DLGAP2: variants seen among roughly 807,000 people sequenced by gnomAD.
The protein encoded by DLGAP2 is disks large-associated protein 2.
In DLGAP2, 26 loss-of-function variants were observed where a neutral mutation model predicts 100.3. The ratio of observed to expected loss-of-function variants is 0.26; its 90% CI spans 0.19 to 0.36. The LOEUF (loss-of-function observed/expected upper bound fraction) is 0.36, where lower values mean the gene tolerates loss of function less well. Among genes scored for constraint, DLGAP2 ranks in the 10% least tolerant of loss-of-function variants. DLGAP2 has a pLI of 1.00. For synonymous variants in DLGAP2, 886 were observed against 630.1 expected (o/e 1.41, Z -6.08); for missense variants, 1,858 against 1,453.2 (o/e 1.28, Z -4.53).
At chr8:915,754 C>T (rs1043524427) in intron 2 of DLGAP2, among the ~76,000 whole-genome samples, 6 of 152,118 alleles carry the variant, frequency 3.9e-5, no homozygotes, top group Non-Finnish European at 7.4e-5. Context: ...TCAGTTCACC[C>T]GTCTGTCCAT....
chr8:1,547,805 G>A (rs1196060042), intron 4 of DLGAP2, among the ~76,000 whole-genome samples: 1 of 152,158 alleles, frequency 6.6e-6, no homozygotes, highest in Non-Finnish European at 1.5e-5. Context: ...GGGGAAGGAG[G>A]CACAGCTGCC....
chr8:1,483,708 A>AGGAGGTGG (rs1383023687), intron 3 of DLGAP2, among the ~76,000 whole-genome samples: 137 of 151,516 alleles, frequency 9.0e-4, no homozygotes, highest in African/African-American at 2.3e-3. Flanking sequence ...AGGCAGGTGC[A>AGGAGGTGG]GGACGTGGGG....
At chr8:1,468,999 C>T (rs1227178181) in intron 3 of DLGAP2, among the ~76,000 whole-genome samples, 1 of 152,244 alleles carries the variant, frequency 6.6e-6, no homozygotes, top group East Asian at 1.9e-4. Context: ...GGGGCCACTG[C>T]AAAGACCAAG....
intron 3 of DLGAP2, among the ~76,000 whole-genome samples, chr8:1,364,795 G>A (rs553453721): frequency 6.6e-6 from 1 of 152,224 alleles, no homozygotes; most frequent in Non-Finnish European, 1.5e-5. Flanking sequence ...GAGAGAGAGG[G>A]GACGCTGTGC....
chr8:1,493,881 G>T (rs556484674), intron 3 of DLGAP2, among the ~76,000 whole-genome samples: 1 of 152,336 alleles, frequency 6.6e-6, no homozygotes, highest in South Asian at 2.1e-4. Flanking sequence ...CTGTTTTATG[G>T]TTTGGGGTTT....
chr8:1,251,103 C>T (rs769775388), intron 2 of DLGAP2, among the ~76,000 whole-genome samples: 1 of 152,194 alleles, frequency 6.6e-6, no homozygotes, highest in Non-Finnish European at 1.5e-5. Context: ...GAGAACGTTA[C>T]TTTGTATTCT....
At chr8:1,600,409 T>C (rs898264045) in intron 6 of DLGAP2, among the ~76,000 whole-genome samples, 1 of 152,134 alleles carries the variant, frequency 6.6e-6, no homozygotes, top group Non-Finnish European at 1.5e-5. Context: ...CTGAATTTGA[T>C]TGTTGGCCTT....
chr8:821,882 C>A (rs762622908), intron 1 of DLGAP2, among the ~76,000 whole-genome samples: 1 of 152,256 alleles, frequency 6.6e-6, no homozygotes, highest in African/African-American at 2.4e-5. Context: ...ACGCACACAG[C>A]GTGCCATTCC....
chr8:1,185,814 T>G (rs10109506), intron 2 of DLGAP2, among the ~76,000 whole-genome samples: 1 of 151,818 alleles, frequency 6.6e-6, no homozygotes, highest in Non-Finnish European at 1.5e-5. Context: ...AACAATGTAA[T>G]CTAGCTTTAA....
intron 2 of DLGAP2, among the ~76,000 whole-genome samples, chr8:1,255,078 T>A (rs1157125266): frequency 3.6e-5 from 5 of 140,462 alleles, no homozygotes; most frequent in South Asian, 5.0e-4. Flanking sequence ...CCGGCCGCTG[T>A]GTGTGTGTCC....
At chr8:1,536,289 C>T (rs1801151734) in intron 4 of DLGAP2, among the ~76,000 whole-genome samples, 1 of 152,174 alleles carries the variant, frequency 6.6e-6, no homozygotes, top group South Asian at 2.1e-4. Context: ...TGGGTAGTGA[C>T]TGACGACTTC....
chr8:1,371,346 A>G (rs932047348), intron 3 of DLGAP2, among the ~76,000 whole-genome samples: 1 of 152,138 alleles, frequency 6.6e-6, no homozygotes, highest in African/African-American at 2.4e-5. Context: ...ATCCTCGTGG[A>G]TGGCATTTGC....
chr8:1,641,885 T>TCACCTGTGTCACCCTCGAACCCGCCAGC, intron 8 of DLGAP2, among the ~76,000 whole-genome samples: 1 of 116,226 alleles, frequency 8.6e-6, no homozygotes, highest in South Asian at 3.0e-4. Context: ...AACCCGCCGG[T>TCACCTGTGTCACCCTCGAACCCGCCAGC]CCTCACCTGT....
intron 2 of DLGAP2, among the ~76,000 whole-genome samples, chr8:1,119,517 T>G (rs1295614860): frequency 6.6e-6 from 1 of 152,210 alleles, no homozygotes; most frequent in Non-Finnish European, 1.5e-5. Flanking sequence ...GCCCTGCTGC[T>G]CTTCTTCAGC....
chr8:1,513,057 G>C (rs1800228957), intron 4 of DLGAP2, among the ~76,000 whole-genome samples: 1 of 151,956 alleles, frequency 6.6e-6, no homozygotes, highest in African/African-American at 2.4e-5. Flanking sequence ...GCTCCAGGGA[G>C]GCTCAGTGGG....
At chr8:1,036,290 G>A (rs997390933) in intron 2 of DLGAP2, among the ~76,000 whole-genome samples, 1 of 152,248 alleles carries the variant, frequency 6.6e-6, no homozygotes, top group African/African-American at 2.4e-5. Context: ...TGAACACTGT[G>A]CTAGAAGGTC....
chr8:823,249 G>T (rs1314201671), intron 1 of DLGAP2, among the ~76,000 whole-genome samples: 1 of 152,054 alleles, frequency 6.6e-6, no homozygotes, highest in African/African-American at 2.4e-5. Context: ...GGCAGCTCTT[G>T]TTCTGGCATT....
chr8:911,490 C>G (rs775091199), intron 2 of DLGAP2, among the ~76,000 whole-genome samples: 1 of 127,008 alleles, frequency 7.9e-6, no homozygotes, highest in South Asian at 2.6e-4. Context: ...TGCTGGAGAA[C>G]GTTGGAAGGA....
chr8:1,475,203 G>A (rs1384993370), intron 3 of DLGAP2, among the ~76,000 whole-genome samples: 1 of 152,016 alleles, frequency 6.6e-6, no homozygotes, highest in Non-Finnish European at 1.5e-5. Context: ...AAGACACCGG[G>A]AACTACTGTG....
Sources: gnomAD v4.1 joint callset for allele counts (sites outside exome capture counted in the v4.1 genomes callset) on GRCh38, gnomAD v4.1.1 for gene constraint, MANE v1.5 for transcripts, NCBI Gene and HGNC (gene_info 2026-07-23, HGNC 2026-07-21) for gene names.